BDKRB2: variants seen among roughly 807,000 people sequenced by gnomAD.
BDKRB2 encodes bradykinin receptor B2.
In BDKRB2, 6 loss-of-function variants were observed where a neutral mutation model predicts 4.0. The observed-to-expected ratio is 1.49, with a 90% confidence interval of 0.81 to 2.93. The LOEUF is 2.93. Among genes scored for constraint, BDKRB2 ranks in the 30% most tolerant of loss-of-function variants. BDKRB2 has a pLI of 0.00. For synonymous variants in BDKRB2, 225 were observed against 215.3 expected, an observed-to-expected ratio of 1.05 and a Z score of -0.40; for missense variants, 478 against 520.1, an observed-to-expected ratio of 0.92 and a Z score of 0.79.
intron 1 of BDKRB2, among the ~76,000 whole-genome samples, chr14:96,207,123 G>T (rs1466771415): frequency 6.6e-6 from 1 of 152,176 alleles, no homozygotes; most frequent in Admixed American, 6.5e-5. Context: ...AGGGACACAG[G>T]CATTTGGATC....
chr14:96,235,814 T>TAC (rs1890921206), intron 1 of BDKRB2, among the ~76,000 whole-genome samples: 3 of 138,438 alleles, frequency 2.2e-5, no homozygotes, highest in Non-Finnish European at 5.0e-5. Flanking sequence ...TACCCACACA[T>TAC]GCACACACAC....
Position 96,241,407 on chromosome 14 carries a change from C to G in BDKRB2, c.1079C>G (p.Pro360Arg). The change falls in exon 3 of 3, where the codon CCC becomes CGC. Residue 360 changes from proline to arginine, a missense_variant. Coordinates refer to ENST00000554311, the MANE Select transcript of BDKRB2 (RefSeq NM_001379692.1). ...VCQKGGCRSE[P>R]IQMENSMGTL... ...CAGAAAGGGGGCTGCAGGTCAGAACCCATTCAGATGGAGAACTCCATGGGC... is the reference window on the plus strand; with the variant it reads ...CAGAAAGGGGGCTGCAGGTCAGAACGCATTCAGATGGAGAACTCCATGGGC... 6.2e-7 allele frequency: 1 copy of G among 1,610,666 alleles called. No homozygotes were observed. Among genetic ancestry groups the G allele is most frequent in the South Asian group, 1.1e-5 (1 of 90,960 alleles).
At chr14:96,217,974 C>T (rs1202348452) in intron 1 of BDKRB2, among the ~76,000 whole-genome samples, 3 of 152,216 alleles carry the variant, frequency 2.0e-5, no homozygotes, top group Admixed American at 6.5e-5. Context: ...TCCCCACTTA[C>T]GAGCCTGTGA....
chr14:96,212,302 T>TA (rs1349238358), intron 1 of BDKRB2, among the ~76,000 whole-genome samples: 1 of 152,102 alleles, frequency 6.6e-6, no homozygotes, highest in Non-Finnish European at 1.5e-5. Flanking sequence ...CAACTAACTA[T>TA]AAGAACACTG....
chr14:96,218,557 T>A (rs543088596), intron 1 of BDKRB2, among the ~76,000 whole-genome samples: 2 of 152,242 alleles, frequency 1.3e-5, no homozygotes, highest in South Asian at 4.1e-4. Context: ...CTGAGCTGCA[T>A]CCCAGGCCCT....
chr14:96,226,362 C>T (rs1312228333), intron 1 of BDKRB2, among the ~76,000 whole-genome samples: 1 of 152,162 alleles, frequency 6.6e-6, no homozygotes, highest in African/African-American at 2.4e-5. Context: ...TTTTAAAAAG[C>T]AAAGTGGCAG....
At chr14:96,219,515 A>G (rs1890506547) in intron 1 of BDKRB2, among the ~76,000 whole-genome samples, 1 of 151,790 alleles carries the variant, frequency 6.6e-6, no homozygotes, top group South Asian at 2.1e-4. Flanking sequence ...CAGAGGAGAC[A>G]GAGGCAATGG....
intron 2 of BDKRB2, chr14:96,239,074 C>A (rs1885191152): frequency 1.0e-6 from 1 of 985,344 alleles, no homozygotes; most frequent in South Asian, 4.7e-5. Context: ...ATCAGTATCT[C>A]TCCCGTGACT....
intron 1 of BDKRB2, among the ~76,000 whole-genome samples, chr14:96,218,647 G>A (rs1263568369): frequency 6.6e-6 from 1 of 152,176 alleles, no homozygotes; most frequent in Non-Finnish European, 1.5e-5. Context: ...GCTGGGCATG[G>A]TGGCTCATGC....
chr14:96,212,183 T>C (rs1890318783), intron 1 of BDKRB2, among the ~76,000 whole-genome samples: 2 of 152,088 alleles, frequency 1.3e-5, no homozygotes, highest in South Asian at 4.1e-4. Context: ...AATTTAAATA[T>C]AAAAAGCAAA....
chr14:96,243,705 C>A lies in BDKRB2; in HGVS notation c.*2201C>A, dbSNP rs200263353. ...AAAAAAAAGATTCCCTCCTTACCCC[C>A]AACCCACTCTTTTTTCCCACCACCC... On this transcript the variant is annotated 3_prime_UTR_variant, in exon 3 of 3. Transcript: ENST00000554311. 1 of 153,584 alleles carries A rather than the reference C, an allele frequency of 6.5e-6. No homozygotes were observed. Among genetic ancestry groups the A allele is most frequent in the Non-Finnish European group, 1.4e-5 (1 of 69,014 alleles). 9.5% of individuals were successfully genotyped at this position (153,584 alleles called of 1,614,324 possible).
At chr14:96,219,689 C>G (rs1474431281) in intron 1 of BDKRB2, among the ~76,000 whole-genome samples, 1 of 151,946 alleles carries the variant, frequency 6.6e-6, no homozygotes, top group African/African-American at 2.4e-5. Context: ...ATTTCCTGAG[C>G]CCCTGTCGTA....
At chr14:96,239,107 G>A (rs998853576) in intron 2 of BDKRB2, 1 of 985,414 alleles carries the variant, frequency 1.0e-6, no homozygotes, top group Non-Finnish European at 1.2e-6. Context: ...CTTCCTCCAT[G>A]AGCCTGACTA....
chr14:96,224,234 C>T (rs942087364), intron 1 of BDKRB2, among the ~76,000 whole-genome samples: 2 of 152,084 alleles, frequency 1.3e-5, no homozygotes, highest in African/African-American at 4.8e-5. Flanking sequence ...TTTCATTATG[C>T]TAGTCTATCT....
chr14:96,237,735 T>C (rs952164633), intron 2 of BDKRB2: 2 of 1,289,592 alleles, frequency 1.6e-6, no homozygotes, highest in Non-Finnish European at 1.0e-6. Flanking sequence ...ATGATGAAGA[T>C]GAGCAGATGG....
rs771862916 is a variant in BDKRB2 at position 96,241,018 on chromosome 14, C to G, written c.690C>G (p.Val230=). 3.7e-6 allele frequency: 6 copies of G among 1,606,640 alleles called. No homozygotes were observed. In the East Asian group the frequency reaches 6.7e-5, roughly 18 times the overall value. ...WEVFTNMLLN[V]VGFLLPLSVI... is the part of the protein sequence containing the mutation. Reference sequence around the variant, plus strand: ...TGTTCACCAACATGCTCCTGAATGTCGTGGGCTTCCTGCTGCCCCTGAGTG... The same window carrying G: ...TGTTCACCAACATGCTCCTGAATGTGGTGGGCTTCCTGCTGCCCCTGAGTG... The change falls in exon 3 of 3, where the codon GTC becomes GTG. Residue 230 remains valine (V), a synonymous_variant. Coordinates refer to ENST00000554311, the MANE Select transcript of BDKRB2 (RefSeq NM_001379692.1).
At chr14:96,219,775 G>A (rs1250799518) in intron 1 of BDKRB2, among the ~76,000 whole-genome samples, 1 of 152,026 alleles carries the variant, frequency 6.6e-6, no homozygotes, top group Non-Finnish European at 1.5e-5. Flanking sequence ...TCCATAAAGT[G>A]TGCTGACAGC....
At chr14:96,228,216 C>T (rs747187079) in intron 1 of BDKRB2, among the ~76,000 whole-genome samples, 3 of 152,208 alleles carry the variant, frequency 2.0e-5, no homozygotes, top group Admixed American at 6.5e-5. Flanking sequence ...CCGGGGCAAG[C>T]GCTTTTGGGC....
intron 1 of BDKRB2, among the ~76,000 whole-genome samples, chr14:96,224,487 T>C (rs1163999161): frequency 6.6e-6 from 1 of 152,214 alleles, no homozygotes; most frequent in African/African-American, 2.4e-5. Context: ...TGAAGATATG[T>C]TGCAGGCACT....
Sources: gnomAD v4.1 joint callset for allele counts (sites outside exome capture counted in the v4.1 genomes callset) on GRCh38, gnomAD v4.1.1 for gene constraint, MANE v1.5 for transcripts, NCBI Gene and HGNC (gene_info 2026-07-23, HGNC 2026-07-21) for gene names.